The following NDRG2 variants were observed in gnomAD, a reference collection of about 807,000 sequenced individuals.
NDRG2 encodes the protein NDRG family member 2.
In NDRG2, 34 loss-of-function variants were observed where a neutral mutation model predicts 58.2. The observed-to-expected ratio is 0.58, with a 90% CI of 0.44 to 0.78. The LOEUF (loss-of-function observed/expected upper bound fraction) is 0.78. Among genes scored for constraint, NDRG2 ranks in the 30% least tolerant of loss-of-function variants. The pLI is 0.00. For missense variants in NDRG2, 434 were observed against 471.2 expected, an observed-to-expected ratio of 0.92 and a Z score of 0.73; for synonymous variants, 187 against 175.9, an observed-to-expected ratio of 1.06 and a Z score of -0.50.
intron 1 of NDRG2, among the ~76,000 whole-genome samples, chr14:21,069,708 G>A (rs1319941521): frequency 5.3e-5 from 8 of 152,246 alleles, no homozygotes; most frequent in African/African-American, 1.9e-4. Flanking sequence ...AGGGAAAGGA[G>A]GGCGGGCAAG....
chr14:21,024,060 T>G lies in NDRG2; in HGVS notation c.-37A>C. 3.0e-6 allele frequency: 3 copies of G among 985,536 alleles called. No individual in the cohort carries two copies. Among genetic ancestry groups the G allele is most frequent in the Non-Finnish European group, 3.6e-6 (3 of 830,068 alleles). The allele number at this position is 985,536 out of a possible 1,614,324, so 61.0% of individuals were successfully genotyped here. ...TCCTATTGGCTGGATGCAGTGGGAT[T>G]AGGGGTCAGGGTTCTCACTCCTTCT... On this transcript the variant is annotated 5_prime_UTR_variant, in exon 1 of 16. Coordinates refer to ENST00000556147, the MANE Select transcript of NDRG2 (RefSeq NM_001320329.2).
chr14:21,060,879 A>G (rs1441911952), intron 1 of NDRG2, among the ~76,000 whole-genome samples: 1 of 152,220 alleles, frequency 6.6e-6, no homozygotes, highest in Non-Finnish European at 1.5e-5. Flanking sequence ...TATCCCAGGA[A>G]CTACCTCAAG....
intron 1 of NDRG2, 31 bp downstream of exon 1, chr14:21,023,999 A>G (rs1024153165): frequency 2.0e-6 from 2 of 985,670 alleles, no homozygotes; most frequent in African/African-American, 3.5e-5. Context: ...CACAGGAAGG[A>G]GCCTGCAGCC....
intron 1 of NDRG2, among the ~76,000 whole-genome samples, chr14:21,067,392 A>G (rs1056241735): frequency 5.9e-5 from 9 of 152,176 alleles, no homozygotes; most frequent in South Asian, 2.1e-4. Flanking sequence ...GGTGGCAGAA[A>G]TGGTGATGTG....
rs755977945 is a variant in NDRG2 at position 21,031,154 on chromosome 14, A to C, written c.25-7833T>G. The C allele has an allele frequency of 1.9e-6, 3 of 1,613,508 alleles. No homozygotes were observed. The Admixed American group carries it at 5.0e-5, about 27-fold the overall frequency. On this transcript the variant is annotated intron_variant, in intron 1 of 14. Coordinates refer to the NDRG2 transcript ENST00000403829. Reference sequence around the variant, plus strand: ...CATGGAGGGCAAAGACCCAGCCACCACTGGCGCTACTGTGAGTGACAGCCT... The same window carrying C: ...CATGGAGGGCAAAGACCCAGCCACCCCTGGCGCTACTGTGAGTGACAGCCT...
upstream of NDRG2, among the ~76,000 whole-genome samples, chr14:21,027,228 G>T (rs1411632405): frequency 1.3e-5 from 2 of 152,224 alleles, no homozygotes; most frequent in African/African-American, 4.8e-5. Flanking sequence ...TGTCAGGGCA[G>T]CTCCCAGCCC....
At chr14:21,061,000 G>T (rs1416566084) in intron 1 of NDRG2, among the ~76,000 whole-genome samples, 1 of 152,188 alleles carries the variant, frequency 6.6e-6, no homozygotes, top group Non-Finnish European at 1.5e-5. Context: ...TTGGAGCTAG[G>T]CAAATATACC....
intron 1 of NDRG2, among the ~76,000 whole-genome samples, chr14:21,035,282 C>G (rs565591116): frequency 6.6e-6 from 1 of 152,352 alleles, no homozygotes; most frequent in East Asian, 1.9e-4. Context: ...ACTCTGAAGC[C>G]TCAAACTTGG....
chr14:21,032,835 T>A (rs1884318122), intron 1 of NDRG2: 1 of 417,346 alleles, frequency 2.4e-6, no homozygotes. Flanking sequence ...TATTAACTTT[T>A]TATTTTGAAT....
At chr14:21,022,765 G>A (rs1000975098) in intron 3 of NDRG2, 99 bp downstream of exon 3, 1 of 1,225,552 alleles carries the variant, frequency 8.2e-7, no homozygotes, top group Non-Finnish European at 1.2e-6. Context: ...TAGAAGGAAA[G>A]AAAGCAAAGA....
chr14:21,025,137 G>T (rs530382538), upstream of NDRG2: 301 of 975,898 alleles, frequency 3.1e-4, no homozygotes, highest in Middle Eastern at 2.1e-3. The surrounding 1 kb of genome is among the most constrained non-coding windows in gnomAD (Gnocchi z 5.1). Flanking sequence ...GCCCACGGGC[G>T]CTAGGCTCCC....
At chr14:21,018,738 ACTC>A (rs1382209545) in intron 12 of NDRG2, 22 bp downstream of exon 12, 1 of 1,613,426 alleles carries the variant, frequency 6.2e-7, no homozygotes. Flanking sequence ...CTCCTCCCTC[ACTC>A]ACCCCAAAAT....
At chr14:21,056,799 GCCCTTGCAGGAACTCAAGCT>G (rs1476309451) in intron 1 of NDRG2, among the ~76,000 whole-genome samples, 4 of 152,186 alleles carry the variant, frequency 2.6e-5, no homozygotes, top group African/African-American at 9.6e-5. Context: ...AAGAGTACTT[GCCCTTGCAGGAACTCAAGCT>G]CCCTCATCTT....
intron 13 of NDRG2, 58 bp from the exon 14 acceptor site, chr14:21,018,297 G>A: frequency 2.5e-6 from 4 of 1,611,440 alleles, no homozygotes; most frequent in Non-Finnish European, 3.4e-6. Context: ...GCCATGCAGA[G>A]AGGTGGAAAG....
chr14:21,058,746 CAG>C (rs1248742821), intron 1 of NDRG2, among the ~76,000 whole-genome samples: 3 of 152,198 alleles, frequency 2.0e-5, no homozygotes, highest in African/African-American at 7.2e-5. Flanking sequence ...AGATCCCAGA[CAG>C]GGGTAATTAT....
intron 7 of NDRG2, 41 bp from the exon 8 acceptor site, chr14:21,020,623 G>T (rs1273517509): frequency 1.9e-6 from 3 of 1,601,192 alleles, no homozygotes; most frequent in Middle Eastern, 3.6e-4. Flanking sequence ...AACAGGGCAT[G>T]GCCTTATCCC....
intron 1 of NDRG2, among the ~76,000 whole-genome samples, chr14:21,056,159 C>T (rs996962163): frequency 1.3e-5 from 2 of 152,112 alleles, no homozygotes; most frequent in African/African-American, 4.8e-5. Flanking sequence ...GGAGAAGTTA[C>T]ACAAATCCCA....
At chr14:21,017,849 A>C in intron 15 of NDRG2, 87 bp from the exon 16 acceptor site, 10 of 1,599,864 alleles carry the variant, frequency 6.3e-6, no homozygotes, top group South Asian at 3.3e-5. Flanking sequence ...TGGATTATGG[A>C]CTAGTTATAA....
At chr14:21,046,223 T>A (rs1304947974) in intron 1 of NDRG2, among the ~76,000 whole-genome samples, 1 of 152,198 alleles carries the variant, frequency 6.6e-6, no homozygotes, top group Non-Finnish European at 1.5e-5. Context: ...TATTAAATTG[T>A]TGTAAATACA....
Sources: gnomAD v4.1 joint callset for allele counts (sites outside exome capture counted in the v4.1 genomes callset) on GRCh38, gnomAD v4.1.1 for gene constraint, Gnocchi (gnomAD v3.1) non-coding constraint, MANE v1.5 for transcripts, NCBI Gene and HGNC (gene_info 2026-07-23, HGNC 2026-07-21) for gene names.